DHX38: variants seen among roughly 807,000 people sequenced by gnomAD.
The protein encoded by DHX38 is pre-mRNA-splicing factor ATP-dependent RNA helicase PRP16.
DHX38 carries 100 observed loss-of-function variants against 153.1 expected under a neutral mutation model. The observed-to-expected ratio is 0.65, with a 90% CI of 0.56 to 0.77. DHX38 has a LOEUF of 0.77. Among genes scored for constraint, DHX38 ranks in the 30% least tolerant of loss-of-function variants. The pLI, the probability that DHX38 is intolerant of heterozygous loss-of-function variation, is 0.00. For missense variants in DHX38, 1,440 were observed against 1,654.0 expected (o/e 0.87, Z 2.24); for synonymous variants, 650 against 631.7 (o/e 1.03, Z -0.43).
In DHX38 at chr16:72,097,566, A is replaced by G. The variant is rs538803789; in HGVS notation, c.512-111A>G. On this transcript the variant is annotated intron_variant, in intron 3 of 26. Coordinates refer to ENST00000268482, the MANE Select transcript of DHX38 (RefSeq NM_014003.4). The stretch of plus-strand genomic sequence containing the variant: ...AGGAGTCCACGGATCACATTCGAGC[A>G]GTGCAGGTTGCACCTGTGAGTGAGT... 57 of 939,690 alleles carry G rather than the reference A, an allele frequency of 6.1e-5. 3 individuals carry two copies. The South Asian group carries it at 8.0e-4, about 13-fold the overall frequency. 58.2% of individuals were successfully genotyped at this position (939,690 alleles called of 1,614,324 possible).
intron 25 of DHX38, 57 bp from the exon 26 acceptor site, chr16:72,110,899 G>GAATACAGGT: frequency 6.6e-7 from 1 of 1,520,866 alleles, no homozygotes; most frequent in Non-Finnish European, 8.9e-7. Context: ...GTGCCGACGA[G>GAATACAGGT]GCCTCCTTCC....
rs756762139 is a variant in DHX38 at position 72,112,722 on chromosome 16, T to A, written c.*225T>A. 1.4e-6 allele frequency: 1 copy of A among 707,496 alleles called. No homozygotes were observed. Among genetic ancestry groups the A allele is most frequent in the South Asian group, 1.5e-5 (1 of 67,692 alleles). The allele number at this position is 707,496 out of a possible 1,614,324, so 43.8% of individuals were successfully genotyped here. A position where few individuals can be genotyped will look rare whatever the true frequency, so the allele number is the denominator to read the frequency against. On this transcript the variant is annotated 3_prime_UTR_variant, in exon 27 of 27. Transcript: ENST00000268482. ...GAGCGGGGCTGCAGAGTATCCGAGG[T>A]GCTGCCGGGGCAGCGGGAGGTGGCT...
intron 3 of DHX38, chr16:72,097,321 G>C (rs2042035209): frequency 2.5e-6 from 1 of 405,580 alleles, no homozygotes; most frequent in Non-Finnish European, 4.5e-6. Context: ...AGAAAGGACA[G>C]TGCTATGGAA....
chr16:72,096,381 A>C lies in DHX38; in HGVS notation c.224A>C (p.Lys75Thr), dbSNP rs1243665315. ...GATGGGGAGGACAAGAAGAAGTCCA[A>C]AGTCTCCTCCTACAAGGACTGGGAA... is the stretch of plus-strand genomic sequence containing the variant. ...KDDGEDKKKS[K>T]VSSYKDWEES... Residue 75 changes from lysine (K) to threonine (T), a missense_variant, in exon 2 of 27, where the codon AAA (lysine) becomes ACA (threonine). Transcript: ENST00000268482. 1 of 1,614,092 alleles carries C rather than the reference A, an allele frequency of 6.2e-7. No individual in the cohort carries two copies. The highest frequency in any genetic ancestry group is 8.5e-7 in the Non-Finnish European group (1 of 1,180,048).
chr16:72,108,527 C>T lies in DHX38; in HGVS notation c.3175C>T (p.Leu1059=). ...CATCATGGTGCAGCAGCGGATGAGC[C>T]TGGCCTCGTGTGGCACTGACTGGGA... ...KDIMVQQRMS[L]ASCGTDWDIV... The change falls in exon 23 of 27, where the codon CTG becomes TTG. Residue 1059 remains leucine, a synonymous_variant. Coordinates refer to ENST00000268482, the MANE Select transcript of DHX38 (RefSeq NM_014003.4). The T allele has an allele frequency of 6.2e-7, 1 of 1,614,186 alleles. No homozygotes were observed. Among genetic ancestry groups the T allele is most frequent in the South Asian group, 1.1e-5 (1 of 91,086 alleles).
chr16:72,100,532 G>A lies in DHX38; in HGVS notation c.1213G>A (p.Val405Met). ...CTTTGAAGAGGACAACGCGGCCAAGGTGCATCTGATGGTGCACAATCTGGT... is the reference window on the plus strand; with the variant it reads ...CTTTGAAGAGGACAACGCGGCCAAGATGCATCTGATGGTGCACAATCTGGT... The part of the protein sequence containing the change: ...EDFEEDNAAK[V>M]HLMVHNLVPP... The change falls in exon 9 of 27, where the codon GTG becomes ATG. Residue 405 changes from valine (V) to methionine (M), a missense_variant. By Grantham distance (21) the Val-to-Met change is conservative. Coordinates refer to ENST00000268482, the MANE Select transcript of DHX38 (RefSeq NM_014003.4). 6.2e-7 allele frequency: 1 copy of A among 1,614,172 alleles called. No individual in the cohort carries two copies. Among genetic ancestry groups the A allele is most frequent in the Non-Finnish European group, 8.5e-7 (1 of 1,180,036 alleles).
At chr16:72,096,550 T>G in intron 2 of DHX38, 70 bp downstream of exon 2, 4 of 1,483,662 alleles carry the variant, frequency 2.7e-6, no homozygotes, top group Non-Finnish European at 3.6e-6. Flanking sequence ...CTCATGTTTA[T>G]CTCTCAGTTT....
chr16:72,110,881 G>C, intron 25 of DHX38, 75 bp from the exon 26 acceptor site: 2 of 1,496,460 alleles, frequency 1.3e-6, no homozygotes, highest in Non-Finnish European at 1.8e-6. Context: ...TTTGTGGCAG[G>C]GACTTGGGTG....
At chr16:72,101,316 C>G in intron 10 of DHX38, 123 bp downstream of exon 10, 4 of 1,208,854 alleles carry the variant, frequency 3.3e-6, no homozygotes, top group Non-Finnish European at 1.2e-6. Context: ...TCCTTAGGCC[C>G]GACAGCTGCG....
chr16:72,109,051 G>A, intron 24 of DHX38, 126 bp downstream of exon 24: 3 of 1,382,144 alleles, frequency 2.2e-6, no homozygotes, highest in Non-Finnish European at 2.9e-6. Flanking sequence ...TTGTTTTGCG[G>A]GGCATGTGAG....
Position 72,098,655 on chromosome 16 carries a change from C to A in DHX38, c.627C>A (p.Thr209=). 7 of 1,613,890 alleles carry A rather than the reference C, an allele frequency of 4.3e-6. No individual in the cohort carries two copies. Among genetic ancestry groups the A allele is most frequent in the Non-Finnish European group, 5.9e-6 (7 of 1,179,820 alleles). The change falls in exon 5 of 27, where the codon ACC becomes ACA. Residue 209 remains threonine (T), a synonymous_variant. Coordinates refer to ENST00000268482, the MANE Select transcript of DHX38 (RefSeq NM_014003.4). Reference sequence around the variant, plus strand: ...TCTTTTGTGGCCCAGATGCAGCCACCCCTTCAAGGTCTACCTGGGAGGAAG... The same window carrying A: ...TCTTTTGTGGCCCAGATGCAGCCACACCTTCAAGGTCTACCTGGGAGGAAG... ...SPRHRPKDAA[T]PSRSTWEEED...
At chr16:72,094,609 T>C (rs1302394302) in intron 1 of DHX38, among the ~76,000 whole-genome samples, 1 of 152,244 alleles carries the variant, frequency 6.6e-6, no homozygotes, top group Non-Finnish European at 1.5e-5. Flanking sequence ...CCATTAATCC[T>C]TCTCAAGAAT....
At chr16:72,097,870 A>G in intron 4 of DHX38, 89 bp downstream of exon 4, 1 of 1,257,258 alleles carries the variant, frequency 8.0e-7, no homozygotes, top group Non-Finnish European at 1.1e-6. Context: ...TTGCTGAGGC[A>G]TTGAGTCAGA....
chr16:72,103,347 T>G, intron 12 of DHX38, 136 bp downstream of exon 12: 2 of 1,245,644 alleles, frequency 1.6e-6, no homozygotes, highest in Non-Finnish European at 1.1e-6. Flanking sequence ...TCTGACCTCA[T>G]GCCTGGGGTA....
chr16:72,099,974 G>T (rs929379739), intron 8 of DHX38, 87 bp downstream of exon 8: 4 of 1,497,388 alleles, frequency 2.7e-6, no homozygotes, highest in Non-Finnish European at 3.6e-6. Flanking sequence ...AGTGAGGGCA[G>T]CACAGCTTGT....
At chr16:72,101,645 T>G in intron 11 of DHX38, 33 bp downstream of exon 11, 2 of 1,537,574 alleles carry the variant, frequency 1.3e-6, no homozygotes, top group South Asian at 2.4e-5. Flanking sequence ...ACATCAGCCT[T>G]GCTCCAAAGA....
Position 72,098,657 on chromosome 16 carries a change from C to A in DHX38, c.629C>A (p.Pro210His), listed in dbSNP as rs779492797. ...PRHRPKDAAT[P>H]SRSTWEEEDS... ...TTTTGTGGCCCAGATGCAGCCACCC[C>A]TTCAAGGTCTACCTGGGAGGAAGAG... The change falls in exon 5 of 27, where the codon CCT becomes CAT. Residue 210 changes from proline to histidine, a missense_variant. Transcript: ENST00000268482. The A allele has an allele frequency of 1.2e-6, 2 of 1,613,980 alleles. No individual in the cohort carries two copies. The highest frequency in any genetic ancestry group is 1.3e-5 in the African/African-American group (1 of 74,926).
chr16:72,098,636 G>A lies in DHX38; in HGVS notation c.617-9G>A. Reference sequence around the variant, plus strand: ...GATGTTTCCTGTGGATGTGTCTTTTGTGGCCCAGATGCAGCCACCCCTTCA... The same window carrying A: ...GATGTTTCCTGTGGATGTGTCTTTTATGGCCCAGATGCAGCCACCCCTTCA... On this transcript the variant is annotated splice_polypyrimidine_tract_variant and intron_variant, in intron 4 of 26. Transcript: ENST00000268482. 1 of 1,613,340 alleles carries A rather than the reference G, an allele frequency of 6.2e-7. No individual in the cohort carries two copies. Among genetic ancestry groups the A allele is most frequent in the Non-Finnish European group, 8.5e-7 (1 of 1,179,360 alleles).
intron 3 of DHX38, 122 bp downstream of exon 3, chr16:72,097,131 G>A (rs1236131451): frequency 5.9e-5 from 67 of 1,144,868 alleles, no homozygotes; most frequent in African/African-American, 9.4e-5. Context: ...CATGATGTCC[G>A]CCTGAGTGGT....
Sources: gnomAD v4.1 joint callset for allele counts (sites outside exome capture counted in the v4.1 genomes callset) on GRCh38, gnomAD v4.1.1 for gene constraint, MANE v1.5 for transcripts, NCBI Gene and HGNC (gene_info 2026-07-23, HGNC 2026-07-21) for gene names.